The following DENND1A variants were observed in gnomAD, a reference collection of about 807,000 sequenced individuals.
The protein encoded by DENND1A is DENN domain-containing protein 1A.
DENND1A carries 51 observed loss-of-function variants against 113.7 expected under a neutral mutation model. The observed-to-expected ratio is 0.45, with a 90% CI of 0.36 to 0.57. The LOEUF is 0.57. Among genes scored for constraint, DENND1A ranks in the 20% least tolerant of loss-of-function variants. DENND1A has a pLI of 0.00. For synonymous variants in DENND1A, 565 were observed against 570.8 expected (o/e 0.99, Z 0.14); for missense variants, 1,258 against 1,395.9 (o/e 0.90, Z 1.57).
intron 13 of DENND1A, among the ~76,000 whole-genome samples, chr9:123,542,325 T>C (rs1392960011): frequency 6.6e-6 from 1 of 152,232 alleles, no homozygotes; most frequent in African/African-American, 2.4e-5. Context: ...CAGAAAGGTA[T>C]AGTAACTTGT....
In DENND1A at chr9:123,569,923, C is replaced by T. The variant is rs567087618; in HGVS notation, c.868-12228G>A. ...CCTGGCTTAATCACCTTAGTAGATGCCCCACTGCCCCAAACTTGAAGTCCA... is the reference window on the plus strand; with the variant it reads ...CCTGGCTTAATCACCTTAGTAGATGTCCCACTGCCCCAAACTTGAAGTCCA... On this transcript the variant is annotated intron_variant, in intron 12 of 23. Coordinates refer to ENST00000394215, the MANE Select transcript of DENND1A (RefSeq NM_001352964.2). Among the ~76,000 whole-genome samples, 5 of 152,282 alleles carry T rather than the reference C, an allele frequency of 3.3e-5. No individual in the cohort carries two copies. The East Asian group carries it at 7.7e-4, about 24-fold the overall frequency.
At chr9:123,813,804 CACAA>C (rs59946880) in intron 2 of DENND1A, among the ~76,000 whole-genome samples, 3,846 of 152,270 alleles carry the variant, frequency 0.025, 167 homozygotes, top group African/African-American at 0.089. Context: ...CGTGCAGACT[CACAA>C]ACAAACTTTT....
intron 5 of DENND1A, among the ~76,000 whole-genome samples, chr9:123,702,068 T>C (rs887976435): frequency 2.6e-5 from 4 of 152,060 alleles, no homozygotes; most frequent in Non-Finnish European, 4.4e-5. Flanking sequence ...ATGAGAAACA[T>C]AATAAGTGAC....
intron 11 of DENND1A, among the ~76,000 whole-genome samples, chr9:123,607,966 C>T (rs779484946): frequency 1.2e-4 from 19 of 152,110 alleles, no homozygotes; most frequent in Non-Finnish European, 2.5e-4. Context: ...TTGGCACTAA[C>T]GGTCCATTGG....
chr9:123,925,989 A>G (rs776304896), intron 1 of DENND1A, among the ~76,000 whole-genome samples: 1 of 152,242 alleles, frequency 6.6e-6, no homozygotes, highest in Non-Finnish European at 1.5e-5. Context: ...CACCACAAGC[A>G]ATATTAAACT....
intron 1 of DENND1A, among the ~76,000 whole-genome samples, chr9:123,882,322 C>CCAAAAAAA: frequency 8.0e-6 from 1 of 124,410 alleles, no homozygotes; most frequent in Non-Finnish European, 1.8e-5. Context: ...AACCTTGTTT[C>CCAAAAAAA]AAAAAAAAAA....
At chr9:123,787,705 A>G (rs1273818673) in intron 3 of DENND1A, among the ~76,000 whole-genome samples, 1 of 152,120 alleles carries the variant, frequency 6.6e-6, no homozygotes, top group Non-Finnish European at 1.5e-5. Context: ...TATAGTTGGT[A>G]TATGTTTTTA....
At chr9:123,643,377 A>G (rs1220615717) in intron 9 of DENND1A, among the ~76,000 whole-genome samples, 1 of 152,232 alleles carries the variant, frequency 6.6e-6, no homozygotes, top group Non-Finnish European at 1.5e-5. Flanking sequence ...CCTTCTGAAA[A>G]GCATCCGCTG....
chr9:123,818,553 CACACACACACACACATAT>C (rs747736823), intron 2 of DENND1A, among the ~76,000 whole-genome samples: 4 of 147,684 alleles, frequency 2.7e-5, no homozygotes, highest in East Asian at 4.3e-4. Flanking sequence ...CACACACACA[CACACACACACACACATAT>C]ATATATATAT....
chr9:123,896,783 T>C (rs1850824360), intron 1 of DENND1A, among the ~76,000 whole-genome samples: 1 of 152,058 alleles, frequency 6.6e-6, no homozygotes, highest in African/African-American at 2.4e-5. Context: ...AGAGAATTCA[T>C]GAACTTAAAG....
intron 11 of DENND1A, among the ~76,000 whole-genome samples, chr9:123,603,799 A>G (rs2060034257): frequency 6.6e-6 from 1 of 152,228 alleles, no homozygotes; most frequent in Admixed American, 6.5e-5. Context: ...TGGTGCTAAT[A>G]CTTCGAAGAA....
intron 18 of DENND1A, 108 bp from the exon 19 acceptor site, chr9:123,440,599 G>A: frequency 7.4e-7 from 1 of 1,358,618 alleles, no homozygotes; most frequent in Non-Finnish European, 9.5e-7. Context: ...GTGACATTCT[G>A]AGCCTGACCT....
intron 9 of DENND1A, among the ~76,000 whole-genome samples, chr9:123,632,285 A>G (rs951103997): frequency 6.6e-6 from 1 of 152,112 alleles, no homozygotes; most frequent in Non-Finnish European, 1.5e-5. Flanking sequence ...ACCCAAGAAC[A>G]GTTCCCAGTG....
chr9:123,763,243 G>T (rs1241752517), intron 4 of DENND1A, among the ~76,000 whole-genome samples: 1 of 152,150 alleles, frequency 6.6e-6, no homozygotes, highest in Non-Finnish European at 1.5e-5. Context: ...TAATCTGGAA[G>T]TGATTGCAGT....
At chr9:123,805,946 G>A (rs533510469) in intron 2 of DENND1A, among the ~76,000 whole-genome samples, 1 of 152,144 alleles carries the variant, frequency 6.6e-6, no homozygotes, top group South Asian at 2.1e-4. Context: ...ATGACATACT[G>A]GTTTTGGGGG....
At chr9:123,787,603 T>C (rs575496310) in intron 3 of DENND1A, among the ~76,000 whole-genome samples, 4 of 152,292 alleles carry the variant, frequency 2.6e-5, no homozygotes, top group African/African-American at 9.6e-5. Context: ...AGATGAAAAC[T>C]CCATATTTAA....
At chr9:123,583,315 A>G (rs1364312438) in intron 11 of DENND1A, 45 bp from the exon 12 acceptor site, 2 of 1,431,180 alleles carry the variant, frequency 1.4e-6, no homozygotes, top group Non-Finnish European at 9.8e-7. Flanking sequence ...TTGAGGTGCC[A>G]TCAAGACACA....
chr9:123,465,956 G>A (rs530946389), intron 13 of DENND1A, among the ~76,000 whole-genome samples: 2 of 152,162 alleles, frequency 1.3e-5, no homozygotes, highest in African/African-American at 4.8e-5. Context: ...ATCAGACAGT[G>A]GAAACACTGC....
chr9:123,628,261 A>G (rs926072253), intron 10 of DENND1A, among the ~76,000 whole-genome samples: 6 of 151,760 alleles, frequency 4.0e-5, no homozygotes, highest in African/African-American at 1.2e-4. Context: ...TGGGAAGGAG[A>G]TGTGGACATC....
Sources: gnomAD v4.1 joint callset for allele counts (sites outside exome capture counted in the v4.1 genomes callset) on GRCh38, gnomAD v4.1.1 for gene constraint, MANE v1.5 for transcripts, NCBI Gene and HGNC (gene_info 2026-07-23, HGNC 2026-07-21) for gene names.